PCP2: variants seen among roughly 807,000 people sequenced by gnomAD.
PCP2 encodes the protein Purkinje cell protein 2 homolog.
PCP2 carries 21 observed loss-of-function variants against 18.3 expected under a neutral mutation model. The observed-to-expected ratio is 1.14, with a 90% CI of 0.81 to 1.65. The LOEUF (loss-of-function observed/expected upper bound fraction) is 1.65. PCP2 is among the 40% of genes most tolerant of loss of function. PCP2 has a pLI of 0.00. For synonymous variants in PCP2, 85 were observed against 77.6 expected (o/e 1.10, Z -0.50); for missense variants, 202 against 201.8 (o/e 1.00, Z 0.00).
At position 7,632,450 on chromosome 19, in the gene PCP2, C is replaced by T; in HGVS notation, c.234G>A (p.Met78Ile). The change falls in exon 3 of 4, where the codon ATG becomes ATA. Residue 78 changes from methionine (M) to isoleucine (I), a missense_variant. Physicochemically the swap from Met to Ile is conservative, Grantham distance 10. Coordinates refer to ENST00000311069, the MANE Select transcript of PCP2 (RefSeq NM_174895.3). This position sits in a 1 kb window ranked among gnomAD's most constrained non-coding sequence, Gnocchi z 5.2. ...DMLASTQGRR[M>I]DDQRVTVSSL... is the part of the protein sequence containing the mutation. Reference sequence around the variant, plus strand: ...TGCTGACTGTCACACGTTGGTCATCCATGCGGCGGCCCTGGGTACTGGCCA... The same window carrying T: ...TGCTGACTGTCACACGTTGGTCATCTATGCGGCGGCCCTGGGTACTGGCCA... The T allele has an allele frequency of 6.2e-7, 1 of 1,613,898 alleles. No individual in the cohort carries two copies. Among genetic ancestry groups the T allele is most frequent in the Non-Finnish European group, 8.5e-7 (1 of 1,179,954 alleles).
upstream of PCP2, among the ~76,000 whole-genome samples, chr19:7,635,249 C>A (rs548233678): frequency 1.8e-4 from 27 of 152,262 alleles, no homozygotes; most frequent in African/African-American, 6.5e-4. Context: ...CTTGAGAAGA[C>A]AAAACCCAAA....
chr19:7,631,870 G>A lies in PCP2; in HGVS notation c.292-62C>T, dbSNP rs374022067. On this transcript the variant is annotated intron_variant, in intron 3 of 3. Transcript: ENST00000311069. ...AAGGGCAGTGCCGGCCACAGGTGGC[G>A]AACAATGGAGAGAGGGTGCAGGTAG... 23 of 1,358,440 alleles carry A rather than the reference G, an allele frequency of 1.7e-5. No individual in the cohort carries two copies. In the East Asian group the frequency reaches 1.9e-4, roughly 11 times the overall value. The allele number at this position is 1,358,440 out of a possible 1,614,324, so 84.1% of individuals were successfully genotyped here.
In PCP2 at chr19:7,632,770, T is replaced by C; in HGVS notation, c.112A>G (p.Met38Val). 2 of 1,568,204 alleles carry C rather than the reference T, an allele frequency of 1.3e-6. No homozygotes were observed. The highest frequency in any genetic ancestry group is 1.7e-6 in the Non-Finnish European group (2 of 1,160,700). ...NLLSHVQGDR[M>V]EGQRCSLQAG... ...TGCAGTGAACAGCGCTGTCCCTCCA[T>C]CCGGTCGCCCTGCACGTGGCTCAGC... Residue 38 changes from methionine to valine, a missense_variant, in exon 2 of 4, where the codon ATG (methionine) becomes GTG (valine). Physicochemically the swap from Met to Val is conservative, Grantham distance 21. Transcript: ENST00000311069. The surrounding 1 kb of genome is among the most constrained non-coding windows in gnomAD (Gnocchi z 5.2).
upstream of PCP2, among the ~76,000 whole-genome samples, chr19:7,635,809 C>A (rs76629662): frequency 9.4e-3 from 1,426 of 152,276 alleles, 24 homozygotes; most frequent in African/African-American, 0.031. Context: ...TGCCAACCGT[C>A]CTGGTTTGCC....
intron 1 of PCP2, chr19:7,633,104 C>T: frequency 9.0e-7 from 1 of 1,109,084 alleles, no homozygotes; most frequent in Non-Finnish European, 1.2e-6. Flanking sequence ...GTCCCGCCGT[C>T]CTAGATTGGG....
chr19:7,631,684 G>C lies in PCP2; in HGVS notation c.*5C>G. 6.9e-7 allele frequency: 1 copy of C among 1,459,368 alleles called. No individual in the cohort carries two copies. Among genetic ancestry groups the C allele is most frequent in the Non-Finnish European group, 9.0e-7 (1 of 1,105,574 alleles). 90.4% of individuals were successfully genotyped at this position (1,459,368 alleles called of 1,614,324 possible). The stretch of plus-strand genomic sequence containing the variant: ...GCCGAGTGAGACCCAGGATGCCTCA[G>C]GCCCTCAGGGGGCTTGTGTCGGGGG... On this transcript the variant is annotated 3_prime_UTR_variant, in exon 4 of 4. Transcript: ENST00000311069.
In PCP2 at chr19:7,632,031, A is replaced by G. The variant is rs944606024; in HGVS notation, c.292-223T>C. 2.1e-6 allele frequency: 1 copy of G among 484,932 alleles called. No individual in the cohort carries two copies. The highest frequency in any genetic ancestry group is 2.0e-5 in the African/African-American group (1 of 50,476). 30.0% of individuals were successfully genotyped at this position (484,932 alleles called of 1,614,324 possible). A position where few individuals can be genotyped will look rare whatever the true frequency, so the allele number is the denominator to read the frequency against. On this transcript the variant is annotated intron_variant, in intron 3 of 3. Coordinates refer to ENST00000311069, the MANE Select transcript of PCP2 (RefSeq NM_174895.3). The surrounding 1 kb of genome is among the most constrained non-coding windows in gnomAD (Gnocchi z 5.2). ...CTTGATCAGAACCCAAGCTTCGTGT[A>G]TGTGTGAAGTCAACAGATGTGAGTA... is the stretch of plus-strand genomic sequence containing the variant.
Position 7,631,645 on chromosome 19 carries a change from A to T in PCP2, c.*44T>A, listed in dbSNP as rs1352578971. 6.9e-7 allele frequency: 1 copy of T among 1,451,522 alleles called. No homozygotes were observed. The highest frequency in any genetic ancestry group is 2.4e-5 in the Admixed American group (1 of 42,324). 89.9% of individuals were successfully genotyped at this position (1,451,522 alleles called of 1,614,324 possible). On this transcript the variant is annotated 3_prime_UTR_variant, in exon 4 of 4. Coordinates refer to ENST00000311069, the MANE Select transcript of PCP2 (RefSeq NM_174895.3). ...ATTCATTTAAGTGTTTTATTCTTTT[A>T]TCAGTTTTTGGGGGCCGAGTGAGAC...
chr19:7,634,554 G>A (rs1180000163), upstream of PCP2, among the ~76,000 whole-genome samples: 2 of 152,218 alleles, frequency 1.3e-5, no homozygotes, highest in Non-Finnish European at 2.9e-5. Flanking sequence ...TTTTTATATA[G>A]AGATGAGGTC....
chr19:7,632,164 T>C lies in PCP2; in HGVS notation c.291+229A>G, dbSNP rs1052547361. ...TTTGGCCTCCCCAGAACCTTCAGAC[T>C]TGGGGGCAGGAGCCACAAGTTCCAG... On this transcript the variant is annotated intron_variant, in intron 3 of 3. Transcript: ENST00000311069. The surrounding 1 kb of genome is among the most constrained non-coding windows in gnomAD (Gnocchi z 5.2). The C allele has an allele frequency of 1.5e-5, 10 of 685,490 alleles. No individual in the cohort carries two copies. The highest frequency in any genetic ancestry group is 2.1e-5 in the Non-Finnish European group (9 of 420,470). The allele number at this position is 685,490 out of a possible 1,614,324, so 42.5% of individuals were successfully genotyped here.
Position 7,632,333 on chromosome 19 carries a change from GCA to G in PCP2, c.291+58_291+59del. ...TGTTCCCTCCTGGCTGGGGTGGAGG[GCA>G]GGATCGGAGAGCACTGCCTGGCGGG... On this transcript the variant is annotated intron_variant, in intron 3 of 3. Coordinates refer to ENST00000311069, the MANE Select transcript of PCP2 (RefSeq NM_174895.3). The surrounding 1 kb of genome is among the most constrained non-coding windows in gnomAD (Gnocchi z 5.2). The G allele has an allele frequency of 6.2e-7, 1 of 1,600,800 alleles. No individual in the cohort carries two copies. The highest frequency in any genetic ancestry group is 8.5e-7 in the Non-Finnish European group (1 of 1,173,944).
chr19:7,631,718 TG>T lies in PCP2; in HGVS notation c.381del (p.Ser127ArgfsTer25), dbSNP rs747426932. Reference sequence around the variant, plus strand: ...GGGGCTTGTGTCGGGGGCTGGGGGCTGCTGTTCCGACGGAAGCCGAGAGCGG... The same window carrying T: ...GGGGCTTGTGTCGGGGGCTGGGGGCTCTGTTCCGACGGAAGCCGAGAGCGG... ...DPTALGFRRN[S>X]SPQPPTQAP On this transcript the variant is annotated frameshift_variant, in exon 4 of 4. Coordinates refer to ENST00000311069, the MANE Select transcript of PCP2 (RefSeq NM_174895.3). LOFTEE classifies it high-confidence loss of function. 1 of 1,448,930 alleles carries T rather than the reference TG, an allele frequency of 6.9e-7. No homozygotes were observed. Among genetic ancestry groups the T allele is most frequent in the Non-Finnish European group, 9.1e-7 (1 of 1,099,236 alleles). The allele number at this position is 1,448,930 out of a possible 1,614,324, so 89.8% of individuals were successfully genotyped here.
intron 3 of PCP2, 94 bp from the exon 4 acceptor site, chr19:7,631,902 T>G (rs2031327069): frequency 2.5e-6 from 3 of 1,220,812 alleles, no homozygotes; most frequent in Non-Finnish European, 3.2e-6. Context: ...GTAGCCACCG[T>G]GTCCCACCTC....
upstream of PCP2, among the ~76,000 whole-genome samples, chr19:7,635,629 G>C (rs577416392): frequency 7.9e-5 from 12 of 152,174 alleles, no homozygotes; most frequent in Non-Finnish European, 1.6e-4. Context: ...TCAGGAAGTC[G>C]AGGCTGCAGT....
chr19:7,632,372 C>T lies in PCP2; in HGVS notation c.291+21G>A. The T allele has an allele frequency of 1.9e-6, 3 of 1,613,278 alleles. No individual in the cohort carries two copies. The highest frequency in any genetic ancestry group is 2.5e-6 in the Non-Finnish European group (3 of 1,179,748). On this transcript the variant is annotated intron_variant, in intron 3 of 3. Coordinates refer to ENST00000311069, the MANE Select transcript of PCP2 (RefSeq NM_174895.3). This position sits in a 1 kb window ranked among gnomAD's most constrained non-coding sequence, Gnocchi z 5.2. ...CACTGCCTGGCGGGTTTCTCCTCGA[C>T]ATCGCCAGAACATCACCTACCTTGG...
At position 7,632,772 on chromosome 19, in the gene PCP2, C is replaced by T. The variant is rs144974437; in HGVS notation, c.110G>A (p.Arg37Gln). ...FNLLSHVQGD[R>Q]MEGQRCSLQA... ...CAGTGAACAGCGCTGTCCCTCCATC[C>T]GGTCGCCCTGCACGTGGCTCAGCAG... The change falls in exon 2 of 4, where the codon CGG (arginine) becomes CAG (glutamine). Residue 37 changes from arginine (R) to glutamine (Q), a missense_variant. By Grantham distance (43) the Arg-to-Gln change is conservative (BLOSUM62 1). Coordinates refer to ENST00000311069, the MANE Select transcript of PCP2 (RefSeq NM_174895.3). This position sits in a 1 kb window ranked among gnomAD's most constrained non-coding sequence, Gnocchi z 5.2. 2.0e-5 allele frequency: 31 copies of T among 1,567,976 alleles called. 1 individual carries two copies. Among genetic ancestry groups the T allele is most frequent in the East Asian group, 1.4e-4 (6 of 42,386 alleles).
upstream of PCP2, among the ~76,000 whole-genome samples, chr19:7,635,206 T>C (rs999720267): frequency 6.6e-6 from 1 of 152,190 alleles, no homozygotes; most frequent in African/African-American, 2.4e-5. Flanking sequence ...CCCCAGGATC[T>C]GGAGGGTTCC....
chr19:7,633,893 C>G, upstream of PCP2: 1 of 172,754 alleles, frequency 5.8e-6, no homozygotes. Context: ...CTGCCACCTG[C>G]AGTCGGTACA....
In PCP2 at chr19:7,633,423, G is replaced by A. The variant is rs2031417508; in HGVS notation, c.35C>T (p.Ser12Leu). ...MDQEEKTEEG[S>L]GPCAEAGSPD... ...CCCTCTCACCTCGGCACAGGGGCCT[G>A]AGCCTTCCTCCGTCTTCTCCTCCTG... The change falls in exon 1 of 4, where the codon TCA (serine) becomes TTA (leucine). Residue 12 changes from serine to leucine, a missense_variant. Coordinates refer to ENST00000311069, the MANE Select transcript of PCP2 (RefSeq NM_174895.3). 1.9e-6 allele frequency: 3 copies of A among 1,575,558 alleles called. No homozygotes were observed. The South Asian group carries it at 3.5e-5, about 18-fold the overall frequency.
Sources: allele counts gnomAD v4.1 joint callset (sites outside exome capture counted in the v4.1 genomes callset), GRCh38; gene constraint gnomAD v4.1.1; non-coding constraint Gnocchi (gnomAD v3.1); transcripts MANE v1.5; gene names NCBI Gene and HGNC (gene_info 2026-07-23, HGNC 2026-07-21).